KMT5B: variants seen among roughly 807,000 people sequenced by gnomAD.
The protein encoded by KMT5B is lysine methyltransferase 5B, also known as histone-lysine N-methyltransferase KMT5B.
Under a neutral mutation model 83.2 loss-of-function variants are expected in KMT5B, and 10 were observed. That is an observed-to-expected ratio of 0.12 (90% CI 0.07 to 0.20). The LOEUF (loss-of-function observed/expected upper bound fraction) is 0.20. Among genes scored for constraint, KMT5B ranks in the 10% least tolerant of loss-of-function variants. The pLI, the probability that KMT5B is intolerant of heterozygous loss-of-function variation, is 1.00. For synonymous variants in KMT5B, 349 were observed against 388.8 expected (o/e 0.90, Z 1.20); for missense variants, 753 against 1,067.2 (o/e 0.71, Z 4.10).
At position 68,201,336 on chromosome 11, in the gene KMT5B, A is replaced by T. The variant is rs143327622; in HGVS notation, c.-76-11184T>A. Among the ~76,000 whole-genome samples, 3 of 152,330 alleles carry T rather than the reference A, an allele frequency of 2.0e-5. No homozygotes were observed. The South Asian group carries it at 6.2e-4, about 32-fold the overall frequency. ...ACTGAAAACCTTAATACTTTAACAC[A>T]TTTCAAAAGAAAGCAGCATTGATTC... On this transcript the variant is annotated intron_variant, in intron 1 of 10. Transcript: ENST00000304363.
intron 4 of KMT5B, chr11:68,179,366 C>T (rs1856696815): frequency 2.8e-6 from 3 of 1,084,088 alleles, no homozygotes; most frequent in Non-Finnish European, 2.5e-6. Context: ...TCTCTTTTTA[C>T]ACTTCCAATC....
At position 68,183,503 on chromosome 11, in the gene KMT5B, G is replaced by A. The variant is rs545494290; in HGVS notation, c.308+2278C>T. Among the ~76,000 whole-genome samples the A allele has an allele frequency of 4.6e-5, 7 of 152,012 alleles. No individual in the cohort carries two copies. The South Asian group carries it at 1.3e-3, about 27-fold the overall frequency. On this transcript the variant is annotated intron_variant, in intron 3 of 10. Coordinates refer to ENST00000304363, the MANE Select transcript of KMT5B (RefSeq NM_017635.5). Reference sequence around the variant, plus strand: ...CTTCCGAGTAGCTGGGACTACAGGCGCATGTGGCCAGGCCCAGCTAATTTT... The same window carrying A: ...CTTCCGAGTAGCTGGGACTACAGGCACATGTGGCCAGGCCCAGCTAATTTT...
At chr11:68,182,754 G>A (rs1379876582) in intron 3 of KMT5B, among the ~76,000 whole-genome samples, 1 of 72,452 alleles carries the variant, frequency 1.4e-5, no homozygotes, top group Non-Finnish European at 2.8e-5. Context: ...TTTTTTTTTT[G>A]AGACTGAGTT....
intron 9 of KMT5B, 21 bp from the exon 10 acceptor site, chr11:68,167,199 G>A: frequency 6.3e-7 from 1 of 1,583,956 alleles, no homozygotes; most frequent in Non-Finnish European, 8.6e-7. Context: ...AAATAGCACA[G>A]GTTAAACAAA....
rs1171520562 is a variant in KMT5B, at chr11:68,157,949, C to A, written c.2397G>T (p.Gly799=). 2 of 1,614,024 alleles carry A rather than the reference C, an allele frequency of 1.2e-6. No homozygotes were observed. The highest frequency in any genetic ancestry group is 1.7e-6 in the Non-Finnish European group (2 of 1,180,030). Residue 799 remains glycine, a synonymous_variant, in exon 11 of 11, where the codon GGG becomes GGT. Transcript: ENST00000304363. ...GSYTEGLHEN[G]VCCSDPLSLL... ...GAGAAAGAGGATCACTGCAGCACACCCCATTTTCATGAAGCCCCTCTGTAT... is the reference window on the plus strand; with the variant it reads ...GAGAAAGAGGATCACTGCAGCACACACCATTTTCATGAAGCCCCTCTGTAT...
chr11:68,158,340 G>A lies in KMT5B; in HGVS notation c.2006C>T (p.Ala669Val). The A allele has an allele frequency of 1.2e-6, 2 of 1,614,188 alleles. No individual in the cohort carries two copies. The highest frequency in any genetic ancestry group is 8.5e-7 in the Non-Finnish European group (1 of 1,180,012). ...VGVPVSYTDC[A>V]PSPVGCSVVT... The stretch of plus-strand genomic sequence containing the variant: ...AACTGAACAACCGACGGGTGAAGGA[G>A]CACAGTCTGTGTAGCTCACAGGCAC... Residue 669 changes from alanine to valine, a missense_variant, in exon 11 of 11, where the codon GCT becomes GTT. This residue lies in a region of KMT5B where 397 missense variants were observed against 395.9 expected (regional missense o/e 1.00). Transcript: ENST00000304363.
intron 3 of KMT5B, among the ~76,000 whole-genome samples, chr11:68,184,406 A>T (rs1264009250): frequency 1.3e-5 from 2 of 152,214 alleles, no homozygotes; most frequent in African/African-American, 4.8e-5. Flanking sequence ...TGAAAAAAAC[A>T]AAAGCATATT....
chr11:68,202,312 C>G (rs1859536123), intron 1 of KMT5B, among the ~76,000 whole-genome samples: 1 of 152,114 alleles, frequency 6.6e-6, no homozygotes, highest in South Asian at 2.1e-4. Flanking sequence ...ATTAAAGATA[C>G]TTACACAAAG....
At chr11:68,190,751 T>TG (rs146257616) in intron 1 of KMT5B, among the ~76,000 whole-genome samples, 3,277 of 152,254 alleles carry the variant, frequency 0.022, 122 homozygotes, top group African/African-American at 0.074. Flanking sequence ...TGGGGGGCCA[T>TG]GGCAGGCGGA....
chr11:68,182,877 C>T (rs2153064673), intron 3 of KMT5B, among the ~76,000 whole-genome samples: 1 of 152,008 alleles, frequency 6.6e-6, no homozygotes, highest in Admixed American at 6.6e-5. Context: ...GCTGGGAGTA[C>T]AGGCATGTGC....
chr11:68,185,704 A>T, intron 3 of KMT5B, 77 bp downstream of exon 3: 2 of 1,412,918 alleles, frequency 1.4e-6, no homozygotes, highest in Non-Finnish European at 1.9e-6. Context: ...AATTTTGAGC[A>T]AAAGTAAAAT....
At chr11:68,183,649 A>G (rs959785029) in intron 3 of KMT5B, among the ~76,000 whole-genome samples, 9 of 135,790 alleles carry the variant, frequency 6.6e-5, no homozygotes, top group African/African-American at 2.5e-4. Context: ...ATGAGCTACC[A>G]TGCCCAGTCC....
In KMT5B at chr11:68,201,335, C is replaced by A. The variant is rs570843125; in HGVS notation, c.-76-11183G>T. 2.0e-5 allele frequency among the ~76,000 whole-genome samples: 3 copies of A among 152,308 alleles called. No homozygotes were observed. In the South Asian group the frequency reaches 6.2e-4, roughly 32 times the overall value. ...AACTGAAAACCTTAATACTTTAACACATTTCAAAAGAAAGCAGCATTGATT... is the reference window on the plus strand; with the variant it reads ...AACTGAAAACCTTAATACTTTAACAAATTTCAAAAGAAAGCAGCATTGATT... On this transcript the variant is annotated intron_variant, in intron 1 of 10. Coordinates refer to ENST00000304363, the MANE Select transcript of KMT5B (RefSeq NM_017635.5).
At chr11:68,200,327 T>A (rs1859281103) in intron 1 of KMT5B, among the ~76,000 whole-genome samples, 1 of 152,156 alleles carries the variant, frequency 6.6e-6, no homozygotes, top group Non-Finnish European at 1.5e-5. Context: ...CAGGGACCAC[T>A]CTGTGGAGGG....
chr11:68,170,858 A>G (rs552778502), intron 9 of KMT5B, among the ~76,000 whole-genome samples, 157 bp downstream of exon 9: 1 of 152,314 alleles, frequency 6.6e-6, no homozygotes, highest in African/African-American at 2.4e-5. Context: ...GCTGTGCAGC[A>G]TTTGACTTTG....
intron 4 of KMT5B, chr11:68,179,461 C>T: frequency 7.7e-7 from 1 of 1,304,120 alleles, no homozygotes; most frequent in South Asian, 1.2e-5. Context: ...AATTCACACT[C>T]CCACACACCT....
chr11:68,187,953 T>A (rs1475655578), intron 2 of KMT5B, among the ~76,000 whole-genome samples: 4 of 152,148 alleles, frequency 2.6e-5, no homozygotes, highest in Admixed American at 6.5e-5. Flanking sequence ...CACACTGGGT[T>A]TTCCCAACCT....
rs774561532 is a variant in KMT5B, at chr11:68,165,922, A to G, written c.1174+1060T>C. ...GGCAGTGACATTCACCATCATGGGA[A>G]ACACCTTCCCTTTTCTTCAGGATTC... On this transcript the variant is annotated intron_variant, in intron 10 of 10. Transcript: ENST00000304363. 4.3e-6 allele frequency: 7 copies of G among 1,612,912 alleles called. No homozygotes were observed. The South Asian group carries it at 7.7e-5, about 18-fold the overall frequency.
At position 68,158,940 on chromosome 11, in the gene KMT5B, T is replaced by C. The variant is rs762788113; in HGVS notation, c.1406A>G (p.Lys469Arg). The change falls in exon 11 of 11, where the codon AAA becomes AGA. Residue 469 changes from lysine to arginine, a missense_variant. This residue lies in a region of KMT5B where 397 missense variants were observed against 395.9 expected (regional missense o/e 1.00). Transcript: ENST00000304363. Reference sequence around the variant, plus strand: ...CAGTACTAAGTTTCCCATTTCGAGTTTTCTTGAAGCATTCTTTTGCTCCAG... The same window carrying C: ...CAGTACTAAGTTTCCCATTTCGAGTCTTCTTGAAGCATTCTTTTGCTCCAG... ...KRLEQKNASRKLEMGNLVLKE... is the reference protein window; with the variant it reads ...KRLEQKNASRRLEMGNLVLKE... 18 of 1,613,546 alleles carry C rather than the reference T, an allele frequency of 1.1e-5. No homozygotes were observed. The highest frequency in any genetic ancestry group is 1.7e-5 in the Admixed American group (1 of 59,872).
Sources: gnomAD v4.1 joint callset for allele counts (sites outside exome capture counted in the v4.1 genomes callset) on GRCh38, gnomAD v4.1.1 for gene constraint, gnomAD v4.1.1 regional missense constraint, MANE v1.5 for transcripts, NCBI Gene and HGNC (gene_info 2026-07-23, HGNC 2026-07-21) for gene names.